LRMDA: variants seen among roughly 807,000 people sequenced by gnomAD.
The protein encoded by LRMDA is leucine-rich melanocyte differentiation-associated protein.
In LRMDA, 18 loss-of-function variants were observed where a neutral mutation model predicts 29.8. The ratio of observed to expected loss-of-function variants is 0.60; its 90% CI spans 0.42 to 0.90. LRMDA has a LOEUF of 0.90. Ranked by LOEUF, LRMDA falls within the 40% of genes least tolerant of loss-of-function variation. LRMDA has a pLI of 0.00. For missense variants in LRMDA, 273 were observed against 273.9 expected, an observed-to-expected ratio of 1.00 and a Z score of 0.02; for synonymous variants, 125 against 109.4, an observed-to-expected ratio of 1.14 and a Z score of -0.89.
chr10:75,996,933 C>T (rs1199411326), intron 2 of LRMDA, among the ~76,000 whole-genome samples: 1 of 151,980 alleles, frequency 6.6e-6, no homozygotes, highest in African/African-American at 2.4e-5. Context: ...GGGGTTTCAC[C>T]GTGTTAGCCA....
intron 2 of LRMDA, among the ~76,000 whole-genome samples, chr10:75,702,562 G>GGAT (rs1842321652): frequency 1.3e-5 from 2 of 152,262 alleles, no homozygotes; most frequent in African/African-American, 4.8e-5. Flanking sequence ...AACTGTGGAA[G>GGAT]GATGGTGGTG....
intron 2 of LRMDA, among the ~76,000 whole-genome samples, chr10:75,481,496 C>T (rs1394838483): frequency 1.3e-5 from 2 of 152,092 alleles, no homozygotes; most frequent in Non-Finnish European, 2.9e-5. Flanking sequence ...CTTTTCTGTC[C>T]ACATAATGTC....
At position 75,877,980 on chromosome 10, in the gene LRMDA, G is replaced by T. The variant is rs1175240661; in HGVS notation, c.132-158028G>T. On this transcript the variant is annotated intron_variant, in intron 2 of 6. Coordinates refer to ENST00000611255, the MANE Select transcript of LRMDA (RefSeq NM_001305581.2). ...CAGGGGTGTGGCTCGCTTCTTTGAT[G>T]CCCTGCTGCTGAAACCCCTTGGGGA... is the stretch of plus-strand genomic sequence containing the variant. 3.9e-5 allele frequency among the ~76,000 whole-genome samples: 6 copies of T among 152,176 alleles called. No homozygotes were observed. The East Asian group carries it at 1.2e-3, about 29-fold the overall frequency.
At chr10:76,144,063 G>T (rs2132154372) in intron 5 of LRMDA, among the ~76,000 whole-genome samples, 1 of 152,238 alleles carries the variant, frequency 6.6e-6, no homozygotes, top group Admixed American at 6.5e-5. Flanking sequence ...CTCTGTTTTG[G>T]TACCAGTACC....
At chr10:75,806,365 G>A (rs944851220) in intron 2 of LRMDA, among the ~76,000 whole-genome samples, 1 of 151,286 alleles carries the variant, frequency 6.6e-6, no homozygotes, top group African/African-American at 2.5e-5. Context: ...CATATCTCTT[G>A]TACTTTGCTT....
intron 2 of LRMDA, among the ~76,000 whole-genome samples, chr10:75,792,504 C>A (rs12249830): frequency 0.034 from 5,243 of 152,200 alleles, 249 homozygotes; most frequent in African/African-American, 0.11. Context: ...ACCTCATGAT[C>A]CACCCATCTT....
chr10:76,182,633 A>C (rs555885691), intron 5 of LRMDA, among the ~76,000 whole-genome samples: 1 of 152,268 alleles, frequency 6.6e-6, no homozygotes, highest in African/African-American at 2.4e-5. Flanking sequence ...TATAGTGTTA[A>C]GTTAGCACAC....
At chr10:75,551,873 T>C (rs1453753476) in intron 2 of LRMDA, among the ~76,000 whole-genome samples, 1 of 151,812 alleles carries the variant, frequency 6.6e-6, no homozygotes, top group African/African-American at 2.4e-5. Flanking sequence ...ACCCATTCTC[T>C]ACAAAACATT....
intron 2 of LRMDA, among the ~76,000 whole-genome samples, chr10:75,621,224 A>AC (rs35097090): frequency 7.0e-6 from 1 of 143,168 alleles, no homozygotes; most frequent in Non-Finnish European, 1.5e-5. Context: ...ACACACACAC[A>AC]CCCACACACC....
intron 2 of LRMDA, among the ~76,000 whole-genome samples, chr10:75,779,228 G>C (rs1168201343): frequency 1.3e-5 from 2 of 152,082 alleles, no homozygotes; most frequent in Non-Finnish European, 2.9e-5. Context: ...TTCAGTTTTG[G>C]ATGAATTAAG....
At chr10:75,935,929 G>A (rs965377601) in intron 2 of LRMDA, among the ~76,000 whole-genome samples, 1 of 152,130 alleles carries the variant, frequency 6.6e-6, no homozygotes, top group Non-Finnish European at 1.5e-5. Flanking sequence ...GATGCTTGAC[G>A]GGGCACATCA....
rs35533934 is a variant in LRMDA, at chr10:76,161,939, CT to C, written c.516+103162del. ...TTTAGCTCACATTTCATAGAGCAAA[CT>C]TTTTTAGGGTATAAAATAATATTCT... On this transcript the variant is annotated intron_variant, in intron 5 of 6. Transcript: ENST00000611255. Among the ~76,000 whole-genome samples the C allele has an allele frequency of 3.5e-3, 533 of 152,298 alleles. 6 individuals carry two copies. Among genetic ancestry groups the C allele is most frequent in the African/African-American group, 0.012 (509 of 41,572 alleles).
At chr10:76,316,066 A>G (rs1400410096) in intron 5 of LRMDA, among the ~76,000 whole-genome samples, 1 of 152,166 alleles carries the variant, frequency 6.6e-6, no homozygotes, top group Non-Finnish European at 1.5e-5. Flanking sequence ...AGATCCGCCA[A>G]TGGCCAGACT....
At chr10:76,354,793 C>G (rs1841219050) in intron 6 of LRMDA, among the ~76,000 whole-genome samples, 1 of 152,080 alleles carries the variant, frequency 6.6e-6, no homozygotes, top group South Asian at 2.1e-4. Flanking sequence ...TTTATCACCT[C>G]CAACATTTAT....
chr10:76,283,294 CA>C (rs1840229126), intron 5 of LRMDA, among the ~76,000 whole-genome samples: 1 of 152,100 alleles, frequency 6.6e-6, no homozygotes. Flanking sequence ...GGTGCTAAAA[CA>C]TAAAAATAAG....
At chr10:75,479,464 A>T (rs1255662841) in intron 2 of LRMDA, among the ~76,000 whole-genome samples, 1 of 149,978 alleles carries the variant, frequency 6.7e-6, no homozygotes, top group Non-Finnish European at 1.5e-5. Flanking sequence ...CTGAGATCGC[A>T]CCACTGTACT....
chr10:76,549,533 G>A (rs553506877), intron 6 of LRMDA, among the ~76,000 whole-genome samples: 2 of 152,290 alleles, frequency 1.3e-5, no homozygotes, highest in Admixed American at 6.5e-5. Context: ...CCTAACCCTT[G>A]AATTGGTGCT....
At chr10:76,555,860 C>T (rs1402638935) in intron 6 of LRMDA, among the ~76,000 whole-genome samples, 1 of 150,766 alleles carries the variant, frequency 6.6e-6, no homozygotes, top group African/African-American at 2.4e-5. Flanking sequence ...GCTATTTTCA[C>T]AGGCAGATTT....
chr10:75,997,022 G>T (rs897595612), intron 2 of LRMDA, among the ~76,000 whole-genome samples: 1 of 152,052 alleles, frequency 6.6e-6, no homozygotes, highest in Non-Finnish European at 1.5e-5. Context: ...ATGAGCCACC[G>T]TGCCTGGCCA....
Sources: allele counts gnomAD v4.1 joint callset (sites outside exome capture counted in the v4.1 genomes callset), GRCh38; gene constraint gnomAD v4.1.1; transcripts MANE v1.5; gene names NCBI Gene and HGNC (gene_info 2026-07-23, HGNC 2026-07-21).